FAR2: variants seen among roughly 807,000 people sequenced by gnomAD.
FAR2 encodes the protein epididymis secretory protein Li 81.
A neutral mutation model predicts 56.0 loss-of-function variants in FAR2; 19 were observed. That is an observed-to-expected ratio of 0.34 (90% CI 0.24 to 0.50). FAR2 has a LOEUF of 0.50. Among genes scored for constraint, FAR2 ranks in the 20% least tolerant of loss-of-function variants. The pLI is 0.98. For synonymous variants in FAR2, 219 were observed against 218.8 expected, an observed-to-expected ratio of 1.00 and a Z score of -0.01; for missense variants, 508 against 642.2, an observed-to-expected ratio of 0.79 and a Z score of 2.26.
intron 4 of FAR2, among the ~76,000 whole-genome samples, chr12:29,298,848 C>A (rs1251623605): frequency 6.6e-6 from 1 of 152,174 alleles, no homozygotes; most frequent in African/African-American, 2.4e-5. Flanking sequence ...TTCTCCACTG[C>A]TGATCTCTCT....
In FAR2 at chr12:29,210,308, T is replaced by A. The variant is rs574424267; in HGVS notation, c.-38-60104T>A. Among the ~76,000 whole-genome samples the A allele has an allele frequency of 1.4e-3, 220 of 152,322 alleles. 1 individual carries two copies. In the South Asian group the frequency reaches 0.021, roughly 15 times the overall value. ...AGCTAGACAGTTTATCAGTGTTTAC[T>A]CTAAGATACTCTAATCAAGGTAACA... On this transcript the variant is annotated intron_variant, in intron 1 of 11. Coordinates refer to ENST00000536681, the MANE Select transcript of FAR2 (RefSeq NM_001271783.2).
chr12:29,232,528 G>A (rs886165647), intron 1 of FAR2, among the ~76,000 whole-genome samples: 8 of 151,914 alleles, frequency 5.3e-5, no homozygotes, highest in Non-Finnish European at 7.4e-5. Context: ...ATTAGGACAC[G>A]ACTTCCCACT....
chr12:29,316,917 C>T lies in FAR2; in HGVS notation c.1032C>T (p.Ser344=). 2 of 1,614,132 alleles carry T rather than the reference C, an allele frequency of 1.2e-6. No individual in the cohort carries two copies. Among genetic ancestry groups the T allele is most frequent in the East Asian group, 4.5e-5 (2 of 44,876 alleles). ...PFRRPNANFT[S]NSFTSQYWNA... The stretch of plus-strand genomic sequence containing the variant: ...GGAGGCCAAATGCTAATTTTACCAG[C>T]AACAGCTTCACATCACAGTACTGGA... Residue 344 remains serine (S), a synonymous_variant, in exon 9 of 12, where the codon AGC becomes AGT. Transcript: ENST00000536681.
chr12:29,267,235 T>A (rs1038407342), intron 1 of FAR2, among the ~76,000 whole-genome samples: 1 of 152,040 alleles, frequency 6.6e-6, no homozygotes, highest in Admixed American at 6.5e-5. Flanking sequence ...TTAAAATAAA[T>A]GCCAAAAAGA....
At chr12:29,252,401 G>A (rs1948229206) in intron 1 of FAR2, among the ~76,000 whole-genome samples, 1 of 152,208 alleles carries the variant, frequency 6.6e-6, no homozygotes, top group Non-Finnish European at 1.5e-5. Flanking sequence ...GGAATGAATA[G>A]TGGAAGAAGG....
chr12:29,213,484 A>G (rs1947580225), intron 1 of FAR2, among the ~76,000 whole-genome samples: 1 of 151,990 alleles, frequency 6.6e-6, no homozygotes, highest in South Asian at 2.1e-4. Context: ...GAGGCCAGGA[A>G]TTTGAGACCA....
chr12:29,235,691 C>G (rs1411299278), intron 1 of FAR2, among the ~76,000 whole-genome samples: 2 of 152,094 alleles, frequency 1.3e-5, no homozygotes, highest in Non-Finnish European at 2.9e-5. Flanking sequence ...TCAGTTCCAC[C>G]AGCATTACTG....
intron 1 of FAR2, among the ~76,000 whole-genome samples, chr12:29,216,657 GA>G (rs201070995): frequency 6.6e-6 from 1 of 151,648 alleles, no homozygotes; most frequent in African/African-American, 2.4e-5. Flanking sequence ...AGAAACAGCT[GA>G]AAAAAAAGGC....
chr12:29,297,398 A>C (rs1949089259), intron 4 of FAR2, among the ~76,000 whole-genome samples, 198 bp downstream of exon 4: 1 of 152,174 alleles, frequency 6.6e-6, no homozygotes, highest in Non-Finnish European at 1.5e-5. Flanking sequence ...GGGGATAGAA[A>C]ATTCTTAAAC....
At chr12:29,196,749 A>G (rs1950147558) in intron 1 of FAR2, among the ~76,000 whole-genome samples, 1 of 152,158 alleles carries the variant, frequency 6.6e-6, no homozygotes, top group Admixed American at 6.5e-5. Flanking sequence ...CAATGAAAAC[A>G]AAAATAGACA....
chr12:29,271,659 G>A (rs1054085981), intron 2 of FAR2, among the ~76,000 whole-genome samples: 2 of 152,140 alleles, frequency 1.3e-5, no homozygotes, highest in African/African-American at 4.8e-5. Context: ...ATACGATTTT[G>A]TTACAAACCA....
intron 1 of FAR2, among the ~76,000 whole-genome samples, chr12:29,189,135 C>T (rs1419106888): frequency 1.3e-5 from 2 of 152,054 alleles, no homozygotes; most frequent in East Asian, 1.9e-4. Flanking sequence ...GGAACTCAGC[C>T]GCATCTCCCG....
chr12:29,319,476 C>T (rs10843384), intron 9 of FAR2, among the ~76,000 whole-genome samples: 46,980 of 152,034 alleles, frequency 0.31, 7,353 homozygotes, highest in East Asian at 0.35. Context: ...CCTCTGTGTG[C>T]TGCCTGCTTC....
At position 29,326,325 on chromosome 12, in the gene FAR2, G is replaced by A. The variant is rs566224360; in HGVS notation, c.1257+4401G>A. On this transcript the variant is annotated intron_variant, in intron 10 of 11. Transcript: ENST00000536681. ...CACAGCCGAATTCTACCAGAGTTAC[G>A]AGGAGGACCTGGTACCATTCCTTCT... Among the ~76,000 whole-genome samples the A allele has an allele frequency of 2.5e-3, 376 of 151,870 alleles. 25 individuals carry two copies. The South Asian group carries it at 0.076, about 31-fold the overall frequency.
intron 1 of FAR2, among the ~76,000 whole-genome samples, chr12:29,242,689 TAG>T (rs1248888543): frequency 1.3e-5 from 2 of 152,210 alleles, no homozygotes; most frequent in African/African-American, 4.8e-5. Context: ...AGGCCGATAT[TAG>T]AGTCACTTTC....
chr12:29,333,598 G>T, intron 11 of FAR2, 34 bp from the exon 12 acceptor site: 1 of 1,591,176 alleles, frequency 6.3e-7, no homozygotes, highest in Non-Finnish European at 8.6e-7. Context: ...GTATCTGGTA[G>T]TTTTAACTTT....
chr12:29,303,582 A>AG (rs1250995168), intron 4 of FAR2, among the ~76,000 whole-genome samples: 5 of 152,136 alleles, frequency 3.3e-5, no homozygotes, highest in African/African-American at 1.2e-4. Flanking sequence ...AGGGGAATGG[A>AG]GGCCCCCACA....
At chr12:29,222,095 C>T (rs183194969) in intron 1 of FAR2, among the ~76,000 whole-genome samples, 8 of 152,162 alleles carry the variant, frequency 5.3e-5, no homozygotes, top group East Asian at 1.9e-4. Flanking sequence ...GTGATCTGCC[C>T]GCCTCGGCCT....
intron 1 of FAR2, among the ~76,000 whole-genome samples, chr12:29,202,749 G>A (rs1389048515): frequency 6.6e-6 from 1 of 152,140 alleles, no homozygotes; most frequent in Non-Finnish European, 1.5e-5. Flanking sequence ...CTCTCTCCAT[G>A]TGAGACACTG....
Sources: gnomAD v4.1 joint callset for allele counts (sites outside exome capture counted in the v4.1 genomes callset) on GRCh38, gnomAD v4.1.1 for gene constraint, MANE v1.5 for transcripts, NCBI Gene and HGNC (gene_info 2026-07-23, HGNC 2026-07-21) for gene names.